GALK2: variants seen among roughly 807,000 people sequenced by gnomAD.
GALK2 encodes the protein galactokinase 2.
GALK2 carries 36 observed loss-of-function variants against 52.4 expected under a neutral mutation model. That is an observed-to-expected ratio of 0.69 (90% CI 0.53 to 0.91). GALK2 has a LOEUF of 0.91. GALK2 is among the 40% of genes least tolerant of loss of function. The probability of loss-of-function intolerance (pLI) is 0.00; values close to 1 mark genes in which losing one functional copy is unlikely to be tolerated. For synonymous variants in GALK2, 176 were observed against 199.1 expected, an observed-to-expected ratio of 0.88 and a Z score of 0.98; for missense variants, 579 against 559.1, an observed-to-expected ratio of 1.04 and a Z score of -0.36.
intron 2 of GALK2, among the ~76,000 whole-genome samples, chr15:49,214,093 C>T (rs1242212474): frequency 6.6e-6 from 1 of 152,064 alleles, no homozygotes; most frequent in Non-Finnish European, 1.5e-5. Flanking sequence ...GCACTCCAGC[C>T]TGGGCGACCG....
At chr15:49,269,345 A>G (rs993279088) in intron 5 of GALK2, among the ~76,000 whole-genome samples, 2 of 152,146 alleles carry the variant, frequency 1.3e-5, no homozygotes, top group South Asian at 2.1e-4. Context: ...GGTAGATTGC[A>G]TGGAGGGTGA....
intron 3 of GALK2, among the ~76,000 whole-genome samples, chr15:49,363,266 T>A (rs939430357): frequency 6.6e-6 from 1 of 152,218 alleles, no homozygotes; most frequent in African/African-American, 2.4e-5. Flanking sequence ...CATTGAATGT[T>A]CTTCCACTTG....
chr15:49,257,850 T>G (rs1031241328), intron 5 of GALK2, among the ~76,000 whole-genome samples: 22 of 151,544 alleles, frequency 1.5e-4, no homozygotes, highest in African/African-American at 5.3e-4. Context: ...TAAAATTTTT[T>G]TAACTGTAAA....
intron 3 of GALK2, chr15:49,366,701 G>A (rs1487042526): frequency 2.2e-6 from 3 of 1,393,634 alleles, no homozygotes; most frequent in Admixed American, 1.7e-5. Flanking sequence ...GGTGGGTGGC[G>A]GGTGGGGTGG....
chr15:49,166,294 T>C (rs532896808), upstream of GALK2, among the ~76,000 whole-genome samples: 7 of 152,318 alleles, frequency 4.6e-5, no homozygotes, highest in African/African-American at 1.4e-4. Context: ...CAATCTATGT[T>C]CGGTTAAAGC....
chr15:49,308,639 G>A (rs556505616), intron 8 of GALK2, among the ~76,000 whole-genome samples: 8 of 152,230 alleles, frequency 5.3e-5, no homozygotes, highest in Admixed American at 1.3e-4. Context: ...GGAGAAACTC[G>A]CTGCATAAAG....
chr15:49,213,586 G>A (rs1224244255), intron 2 of GALK2, among the ~76,000 whole-genome samples: 1 of 151,728 alleles, frequency 6.6e-6, no homozygotes, highest in African/African-American at 2.4e-5. Context: ...TTTTTGGTCT[G>A]CATGTCTTTA....
chr15:49,277,414 C>T (rs2141729249), intron 5 of GALK2, among the ~76,000 whole-genome samples: 1 of 144,588 alleles, frequency 6.9e-6, no homozygotes, highest in South Asian at 2.2e-4. Flanking sequence ...GTGATCCGCC[C>T]GCCTCGGCCT....
At chr15:49,299,428 C>T (rs1304131558) in intron 8 of GALK2, among the ~76,000 whole-genome samples, 2 of 151,924 alleles carry the variant, frequency 1.3e-5, no homozygotes, top group African/African-American at 4.8e-5. Flanking sequence ...CTTCTGCTAG[C>T]TTTGTGGTTG....
chr15:49,310,696 TCTCTATTCAGA>T lies in GALK2; in HGVS notation c.968-8906_968-8896del, dbSNP rs1305060186. ...CATTTATATGTCTTCTTTTGAGAAA[TCTCTATTCAGA>T]CCCTTTGCCTATTTTTTAATTGGAT... On this transcript the variant is annotated intron_variant, in intron 8 of 9. Coordinates refer to ENST00000560031, the MANE Select transcript of GALK2 (RefSeq NM_002044.4). 2.6e-5 allele frequency among the ~76,000 whole-genome samples: 4 copies of T among 152,188 alleles called. No individual in the cohort carries two copies. In the East Asian group the frequency reaches 7.7e-4, roughly 29 times the overall value.
At chr15:49,322,960 TAAA>T (rs548865053) in intron 9 of GALK2, among the ~76,000 whole-genome samples, 7 of 68,150 alleles carry the variant, frequency 1.0e-4, no homozygotes, top group Non-Finnish European at 1.3e-4. Flanking sequence ...CCATCTCAGG[TAAA>T]AAAAAAAAAA....
Position 49,331,814 on chromosome 15 carries a change from A to G in GALK2, c.*3655A>G. The G allele has an allele frequency of 6.2e-7, 1 of 1,611,746 alleles. No homozygotes were observed. Among genetic ancestry groups the G allele is most frequent in the Non-Finnish European group, 8.5e-7 (1 of 1,177,898 alleles). ...TAGGAACTTCTCAAAGTCCTGTTTC[A>G]CTTCATGAGGTTTCTTGGTAGCCTT... On this transcript the variant is annotated 3_prime_UTR_variant, in exon 10 of 10. Transcript: ENST00000560031.
intron 1 of GALK2, among the ~76,000 whole-genome samples, chr15:49,182,545 A>G (rs1181890653): frequency 6.6e-6 from 1 of 151,770 alleles, no homozygotes; most frequent in Non-Finnish European, 1.5e-5. Flanking sequence ...TTCTATTTTT[A>G]ATTTTTTGAA....
chr15:49,360,118 T>G (rs2043939439), intron 3 of GALK2, among the ~76,000 whole-genome samples: 1 of 148,288 alleles, frequency 6.7e-6, no homozygotes. Context: ...AGGGATAGCA[T>G]CAGGAGATAT....
At chr15:49,304,223 C>A (rs2035357941) in intron 8 of GALK2, among the ~76,000 whole-genome samples, 1 of 152,176 alleles carries the variant, frequency 6.6e-6, no homozygotes, top group Non-Finnish European at 1.5e-5. Flanking sequence ...AGTAAGTGTT[C>A]TCTTTGTATA....
At chr15:49,293,171 T>C (rs1457973554) in intron 8 of GALK2, among the ~76,000 whole-genome samples, 2 of 152,124 alleles carry the variant, frequency 1.3e-5, no homozygotes, top group African/African-American at 4.8e-5. Context: ...TTATGGGGGA[T>C]GAGTAGGAGA....
intron 3 of GALK2, chr15:49,366,709 T>A: frequency 7.5e-7 from 1 of 1,330,286 alleles, no homozygotes; most frequent in Non-Finnish European, 1.1e-6. Flanking sequence ...GCGGGTGGGG[T>A]GGCGCGGCGC....
At chr15:49,267,232 T>G (rs1463726614) in intron 5 of GALK2, among the ~76,000 whole-genome samples, 2 of 152,116 alleles carry the variant, frequency 1.3e-5, no homozygotes, top group African/African-American at 2.4e-5. Context: ...AATGGGAAAT[T>G]AAACATCAGG....
chr15:49,321,856 T>TG (rs2036897675), intron 9 of GALK2, among the ~76,000 whole-genome samples: 2 of 152,226 alleles, frequency 1.3e-5, no homozygotes, highest in South Asian at 4.1e-4. Flanking sequence ...AGCTTTATGA[T>TG]GGAGGCCTTT....
Sources: allele counts gnomAD v4.1 joint callset (sites outside exome capture counted in the v4.1 genomes callset), GRCh38; gene constraint gnomAD v4.1.1; transcripts MANE v1.5; gene names NCBI Gene and HGNC (gene_info 2026-07-23, HGNC 2026-07-21).